CEP85L: variants seen among roughly 807,000 people sequenced by gnomAD.
CEP85L encodes centrosomal protein of 85 kDa-like.
In CEP85L, 60 loss-of-function variants were observed where a neutral mutation model predicts 100.3. The observed-to-expected ratio is 0.60, with a 90% CI of 0.49 to 0.74. The LOEUF is 0.74. CEP85L is among the 30% of genes least tolerant of loss of function. The pLI is 0.00. For synonymous variants in CEP85L, 319 were observed against 322.7 expected, an observed-to-expected ratio of 0.99 and a Z score of 0.12; for missense variants, 973 against 936.2, an observed-to-expected ratio of 1.04 and a Z score of -0.51.
intron 6 of CEP85L, among the ~76,000 whole-genome samples, chr6:118,489,972 T>A (rs1015713120): frequency 1.2e-4 from 18 of 150,830 alleles, no homozygotes; most frequent in African/African-American, 4.4e-4. Flanking sequence ...CACATACGTG[T>A]GTGTATATAT....
intron 2 of CEP85L, among the ~76,000 whole-genome samples, chr6:118,621,417 T>C (rs954029068): frequency 1.3e-5 from 2 of 152,202 alleles, no homozygotes; most frequent in Non-Finnish European, 2.9e-5. Flanking sequence ...TCTTTGCCTT[T>C]GAGGATCCTA....
intron 1 of CEP85L, among the ~76,000 whole-genome samples, chr6:118,699,038 A>G (rs369251786): frequency 2.0e-5 from 3 of 152,126 alleles, no homozygotes; most frequent in Non-Finnish European, 2.9e-5. Flanking sequence ...TCAGGGGCTT[A>G]TTAGAATGCA....
At chr6:118,618,566 C>T (rs758346028) in intron 2 of CEP85L, among the ~76,000 whole-genome samples, 15 of 152,182 alleles carry the variant, frequency 9.9e-5, no homozygotes, top group African/African-American at 2.4e-4. Context: ...TGTATGGGTA[C>T]GGCCCTTAGA....
chr6:118,572,459 C>T (rs1351910024), intron 2 of CEP85L, among the ~76,000 whole-genome samples: 1 of 151,704 alleles, frequency 6.6e-6, no homozygotes, highest in East Asian at 1.9e-4. Context: ...GTAGTCCCAG[C>T]TACTTGGGAG....
intron 2 of CEP85L, among the ~76,000 whole-genome samples, chr6:118,618,208 C>T (rs1773197537): frequency 6.6e-6 from 1 of 152,228 alleles, no homozygotes; most frequent in African/African-American, 2.4e-5. Flanking sequence ...TCTTCTGACT[C>T]CTGCGTCCTG....
intron 4 of CEP85L, among the ~76,000 whole-genome samples, chr6:118,521,469 T>C (rs1221855681): frequency 6.6e-6 from 1 of 152,200 alleles, no homozygotes; most frequent in Non-Finnish European, 1.5e-5. Flanking sequence ...CCAAAGATTA[T>C]TTAAGATACT....
At chr6:118,611,709 A>C (rs929912446) in intron 2 of CEP85L, among the ~76,000 whole-genome samples, 10 of 152,152 alleles carry the variant, frequency 6.6e-5, no homozygotes, top group Non-Finnish European at 1.3e-4. Flanking sequence ...AGCTATATTA[A>C]CATCAGATAA....
At chr6:118,621,699 A>G (rs1232326625) in intron 2 of CEP85L, among the ~76,000 whole-genome samples, 1 of 152,234 alleles carries the variant, frequency 6.6e-6, no homozygotes, top group Non-Finnish European at 1.5e-5. Context: ...TTAAATATCT[A>G]GGCTTAAACC....
At chr6:118,645,237 C>G (rs1026819045) in intron 1 of CEP85L, among the ~76,000 whole-genome samples, 15 of 152,210 alleles carry the variant, frequency 9.9e-5, no homozygotes, top group Non-Finnish European at 2.1e-4. Context: ...AACAATGTTA[C>G]CTCCTCAGAG....
chr6:118,545,316 G>A (rs1055774369), intron 3 of CEP85L, among the ~76,000 whole-genome samples: 4 of 152,158 alleles, frequency 2.6e-5, no homozygotes, highest in Non-Finnish European at 5.9e-5. Flanking sequence ...ATAGCTGGGC[G>A]CGGTGGCTCA....
At chr6:118,654,049 A>G (rs1775687629), upstream of CEP85L, among the ~76,000 whole-genome samples, 1 of 152,248 alleles carries the variant, frequency 6.6e-6, no homozygotes, top group African/African-American at 2.4e-5. Flanking sequence ...TTCTGATTCA[A>G]ATTTATCAGA....
At chr6:118,516,630 T>C (rs1463759363) in intron 4 of CEP85L, among the ~76,000 whole-genome samples, 1 of 152,250 alleles carries the variant, frequency 6.6e-6, no homozygotes, top group East Asian at 1.9e-4. Context: ...TAAGTTATTG[T>C]AGATTCTGGA....
intron 10 of CEP85L, among the ~76,000 whole-genome samples, chr6:118,478,247 C>G (rs1217047537): frequency 1.3e-5 from 2 of 152,024 alleles, no homozygotes; most frequent in Admixed American, 1.3e-4. Context: ...ATAGATATGC[C>G]TTTTAGAAAA....
intron 2 of CEP85L, among the ~76,000 whole-genome samples, chr6:118,574,522 A>G (rs1780101933): frequency 6.6e-6 from 1 of 152,186 alleles, no homozygotes. Flanking sequence ...CCCATCTGGG[A>G]TATCATTCTC....
chr6:118,583,814 C>A (rs1270544394), intron 2 of CEP85L, among the ~76,000 whole-genome samples: 2 of 152,198 alleles, frequency 1.3e-5, no homozygotes, highest in Non-Finnish European at 2.9e-5. Flanking sequence ...GGGAATGAAG[C>A]CTGGTTCAGG....
intron 2 of CEP85L, among the ~76,000 whole-genome samples, chr6:118,602,876 A>G (rs571478577): frequency 6.6e-6 from 1 of 151,672 alleles, no homozygotes; most frequent in South Asian, 2.1e-4. Context: ...GCTGGAGTGC[A>G]ATGGCACAAT....
chr6:118,701,013 C>G (rs1400652120), intron 1 of CEP85L, among the ~76,000 whole-genome samples: 1 of 152,192 alleles, frequency 6.6e-6, no homozygotes, highest in Non-Finnish European at 1.5e-5. Flanking sequence ...GCCACCAGAG[C>G]ATAACGCTTC....
At chr6:118,578,351 A>G (rs1780363953) in intron 2 of CEP85L, among the ~76,000 whole-genome samples, 1 of 152,206 alleles carries the variant, frequency 6.6e-6, no homozygotes, top group African/African-American at 2.4e-5. Flanking sequence ...GAAAGGTTTA[A>G]GTCTTAGCCA....
At chr6:118,580,608 C>G (rs1780518320) in intron 2 of CEP85L, among the ~76,000 whole-genome samples, 2 of 152,156 alleles carry the variant, frequency 1.3e-5, no homozygotes, top group African/African-American at 4.8e-5. Context: ...GAATCAGCTT[C>G]CTTTCATGGG....
Sources: gnomAD v4.1 joint callset for allele counts (sites outside exome capture counted in the v4.1 genomes callset) on GRCh38, gnomAD v4.1.1 for gene constraint, MANE v1.5 for transcripts, NCBI Gene and HGNC (gene_info 2026-07-23, HGNC 2026-07-21) for gene names.